MYH1: variants seen among roughly 807,000 people sequenced by gnomAD.
The protein encoded by MYH1 is myosin heavy chain 1, also known as myosin-1.
A neutral mutation model predicts 225.6 loss-of-function variants in MYH1; 214 were observed. That is an observed-to-expected ratio of 0.95 (90% CI 0.85 to 1.06). MYH1 has a LOEUF of 1.06. Ranked by LOEUF, MYH1 falls within the 50% of genes least tolerant of loss-of-function variation. The probability of loss-of-function intolerance (pLI) is 0.00; values close to 1 mark genes in which losing one functional copy is unlikely to be tolerated. For synonymous variants in MYH1, 774 were observed against 842.3 expected, an observed-to-expected ratio of 0.92 and a Z score of 1.40; for missense variants, 2,098 against 2,344.2, an observed-to-expected ratio of 0.89 and a Z score of 2.17.
chr17:10,512,997 G>A (rs1355220519), intron 9 of MYH1, 32 bp from the exon 10 acceptor site: 3 of 1,458,278 alleles, frequency 2.1e-6, no homozygotes, highest in Non-Finnish European at 9.6e-7. Context: ...AGATTATGGG[G>A]AAAAATTACA....
In MYH1 at chr17:10,512,900, GAT is replaced by G; in HGVS notation, c.869_870del (p.Tyr290SerfsTer5). On this transcript the variant is annotated frameshift_variant, in exon 10 of 40. Coordinates refer to ENST00000226207, the MANE Select transcript of MYH1 (RefSeq NM_005963.4). LOFTEE classifies it high-confidence loss of function. ...TCTGGCTTCTTGTTAGACATGATCT[GAT>G]AAAAAATATGATAGCTTCTTTCAGC... ...LKAERSYHIF[Y>X]QIMSNKKPDL... 6.2e-7 allele frequency: 1 copy of G among 1,613,432 alleles called. No homozygotes were observed. Among genetic ancestry groups the G allele is most frequent in the Non-Finnish European group, 8.5e-7 (1 of 1,179,432 alleles).
rs1476077646 is a variant in MYH1, at chr17:10,502,819, G to T, written c.3030C>A (p.Thr1010=). ...KKALQEAHQQ[T]LDDLQAEEDK... Reference sequence around the variant, plus strand: ...CCTCCTCTGCCTGCAGGTCATCCAGGGTCTGCTGGTGGGCCTCCTGGAGAG... The same window carrying T: ...CCTCCTCTGCCTGCAGGTCATCCAGTGTCTGCTGGTGGGCCTCCTGGAGAG... The change falls in exon 24 of 40, where the codon ACC becomes ACA. Residue 1010 remains threonine (T), a synonymous_variant. Transcript: ENST00000226207. 1.2e-6 allele frequency: 2 copies of T among 1,613,982 alleles called. No homozygotes were observed. Among genetic ancestry groups the T allele is most frequent in the East Asian group, 4.5e-5 (2 of 44,864 alleles).
At chr17:10,516,955 A>G (rs1351940844) in intron 2 of MYH1, among the ~76,000 whole-genome samples, 1 of 152,212 alleles carries the variant, frequency 6.6e-6, no homozygotes, top group Non-Finnish European at 1.5e-5. Flanking sequence ...TGTTAGGTAT[A>G]TTAATCTTTA....
chr17:10,514,428 G>A (rs2073205330), intron 6 of MYH1, among the ~76,000 whole-genome samples: 2 of 152,188 alleles, frequency 1.3e-5, no homozygotes, highest in African/African-American at 2.4e-5. Context: ...GGAACAATTA[G>A]TAGGAAACTC....
rs767510617 is a variant in MYH1, at chr17:10,498,965, G to A, written c.3984+9C>T. 3 of 1,606,872 alleles carry A rather than the reference G, an allele frequency of 1.9e-6. No homozygotes were observed. In the South Asian group the frequency reaches 3.3e-5, roughly 18 times the overall value. ...AACAATAATGACAAGAATGACAAGT[G>A]GAGCTTACCTTTATCTCCTCTTCAA... On this transcript the variant is annotated intron_variant, in intron 29 of 39. Transcript: ENST00000226207.
intron 31 of MYH1, 37 bp downstream of exon 31, chr17:10,497,697 C>T (rs773070877): frequency 6.2e-7 from 1 of 1,610,488 alleles, no homozygotes; most frequent in South Asian, 1.1e-5. Context: ...ATTGTTAATT[C>T]TGTGTTGAAA....
In MYH1 at chr17:10,516,547, A is replaced by T; in HGVS notation, c.96T>A (p.Phe32Leu). ...CCACAAAGACTGATGTCTTGGCATC[A>T]AAAGGCTTGTTCTGGGCTTCAATTC... Reference protein sequence around the residue: ...RERIEAQNKPFDAKTSVFVVD... With the variant: ...RERIEAQNKPLDAKTSVFVVD... Residue 32 changes from phenylalanine (F) to leucine (L), a missense_variant, in exon 3 of 40, where the codon TTT becomes TTA. Phe to Leu is a conservative substitution (Grantham distance 22). Coordinates refer to ENST00000226207, the MANE Select transcript of MYH1 (RefSeq NM_005963.4). 3 of 1,614,102 alleles carry T rather than the reference A, an allele frequency of 1.9e-6. No homozygotes were observed. The South Asian group carries it at 3.3e-5, about 18-fold the overall frequency.
intron 15 of MYH1, among the ~76,000 whole-genome samples, chr17:10,509,027 C>T (rs921623251): frequency 2.6e-5 from 4 of 152,110 alleles, no homozygotes; most frequent in African/African-American, 9.7e-5. Context: ...GATGTTTCAT[C>T]CTACACTTAC....
chr17:10,495,044 G>T lies in MYH1; in HGVS notation c.5353C>A (p.Arg1785=), dbSNP rs139004562. 12 of 1,614,030 alleles carry T rather than the reference G, an allele frequency of 7.4e-6. No homozygotes were observed. In the Admixed American group the frequency reaches 1.8e-4, roughly 25 times the overall value. The change falls in exon 37 of 40, where the codon CGG becomes AGG. Residue 1785 remains arginine, a synonymous_variant. Coordinates refer to ENST00000226207, the MANE Select transcript of MYH1 (RefSeq NM_005963.4). The part of the protein sequence containing the change: ...KEQDTSAHLE[R]MKKNLEQTVK... ...GTCTGTTCCAGGTTCTTCTTCATCC[G>T]CTCCAGATGGGCGCTGGTGTCCTGT...
At chr17:10,513,798 C>T in intron 8 of MYH1, 23 bp downstream of exon 8, 6 of 1,614,092 alleles carry the variant, frequency 3.7e-6, no homozygotes, top group Non-Finnish European at 5.1e-6. Context: ...CAGAGAAGAC[C>T]CTTTGGCAAC....
Position 10,512,132 on chromosome 17 carries a change from C to A in MYH1, c.1208G>T (p.Cys403Phe). 1 of 1,614,182 alleles carries A rather than the reference C, an allele frequency of 6.2e-7. No individual in the cohort carries two copies. The highest frequency in any genetic ancestry group is 8.5e-7 in the Non-Finnish European group (1 of 1,180,026). Residue 403 changes from cysteine to phenylalanine, a missense_variant, in exon 13 of 40, where the codon TGC becomes TTC. Cys to Phe is a radical substitution (Grantham distance 205). Coordinates refer to ENST00000226207, the MANE Select transcript of MYH1 (RefSeq NM_005963.4). ...ATTGCCGACCTTGACCCTAGGGTAG[C>A]AGAGGGCTTTGAGCAGATCTGCAGA... ...LNSADLLKAL[C>F]YPRVKVGNEY...
chr17:10,504,902 GC>G lies in MYH1; in HGVS notation c.2598del (p.Glu866AspfsTer19), dbSNP rs1189842416. 5.0e-6 allele frequency: 8 copies of G among 1,614,096 alleles called. No homozygotes were observed. In the East Asian group the frequency reaches 1.3e-4, roughly 27 times the overall value. ...MKEEFEKTKE[E>X]LAKTEAKRKE... is the part of the protein sequence containing the mutation. ...TTCCTTTTTGCCTCGGTCTTAGCCA[GC>G]TCTTCTTTGGTTTTCTCAAATTCTT... On this transcript the variant is annotated frameshift_variant, in exon 22 of 40. Transcript: ENST00000226207. LOFTEE classifies it high-confidence loss of function.
At chr17:10,492,962 T>C (rs1294808990) in intron 39 of MYH1, among the ~76,000 whole-genome samples, 1 of 152,126 alleles carries the variant, frequency 6.6e-6, no homozygotes, top group African/African-American at 2.4e-5. Flanking sequence ...TGAATATAAG[T>C]TATTGCCATG....
At chr17:10,513,580 A>G in intron 9 of MYH1, 46 bp downstream of exon 9, 1 of 1,579,306 alleles carries the variant, frequency 6.3e-7, no homozygotes, top group Non-Finnish European at 8.7e-7. Flanking sequence ...CCTCCAAACC[A>G]ATATTTGTCA....
At chr17:10,511,184 G>A (rs2073167501) in intron 14 of MYH1, among the ~76,000 whole-genome samples, 3 of 151,372 alleles carry the variant, frequency 2.0e-5, no homozygotes, top group Admixed American at 6.6e-5. Context: ...AGACACATCC[G>A]AGATACTGCT....
intron 22 of MYH1, 121 bp downstream of exon 22, chr17:10,504,689 G>T: frequency 8.7e-7 from 1 of 1,148,024 alleles, no homozygotes; most frequent in Non-Finnish European, 1.2e-6. Context: ...ATTCTAAGGA[G>T]TTGTGGATTA....
chr17:10,516,473 C>A lies in MYH1; in HGVS notation c.170G>T (p.Gly57Val), dbSNP rs200550531. 6.8e-6 allele frequency: 11 copies of A among 1,614,108 alleles called. No individual in the cohort carries two copies. Among genetic ancestry groups the A allele is most frequent in the African/African-American group, 2.7e-5 (2 of 74,936 alleles). ...TTCGGTCTTAGCTGTCACCTTCCCC[C>A]CTTCCCTGCTCTGCACTGTTGCTTT... Reference protein sequence around the residue: ...FVKATVQSREGGKVTAKTEAG... With the variant: ...FVKATVQSREVGKVTAKTEAG... The change falls in exon 3 of 40, where the codon GGG (glycine) becomes GTG (valine). Residue 57 changes from glycine (G) to valine (V), a missense_variant. Gly to Val is a moderately radical substitution (Grantham distance 109). Transcript: ENST00000226207.
At chr17:10,500,580 G>T (rs2073042554) in intron 28 of MYH1, 46 bp downstream of exon 28, 2 of 1,610,414 alleles carry the variant, frequency 1.2e-6, no homozygotes, top group African/African-American at 1.3e-5. Flanking sequence ...GATTACACAT[G>T]CAGGGTGAAT....
At chr17:10,505,598 G>C in intron 19 of MYH1, 87 bp from the exon 20 acceptor site, 5 of 1,495,214 alleles carry the variant, frequency 3.3e-6, no homozygotes, top group Non-Finnish European at 4.5e-6. Flanking sequence ...ATAGCCACTG[G>C]GTAATCTGAA....
Sources: gnomAD v4.1 joint callset for allele counts (sites outside exome capture counted in the v4.1 genomes callset) on GRCh38, gnomAD v4.1.1 for gene constraint, MANE v1.5 for transcripts, NCBI Gene and HGNC (gene_info 2026-07-23, HGNC 2026-07-21) for gene names.